UBE2V1: variants seen among roughly 807,000 people sequenced by gnomAD.
UBE2V1 encodes ubiquitin-conjugating enzyme E2 variant 1.
Under a neutral mutation model 19.6 loss-of-function variants are expected in UBE2V1, and 15 were observed. That is an observed-to-expected ratio of 0.77 (90% CI 0.51 to 1.18). The LOEUF (loss-of-function observed/expected upper bound fraction) is 1.18, where lower values mean the gene tolerates loss of function less well. UBE2V1 is among the 50% of genes most tolerant of loss of function. The pLI, the probability that UBE2V1 is intolerant of heterozygous loss-of-function variation, is 0.00. For synonymous variants in UBE2V1, 60 were observed against 60.7 expected (o/e 0.99, Z 0.05); for missense variants, 125 against 184.8 (o/e 0.68, Z 1.88).
chr20:50,094,225 TTA>T lies in UBE2V1; in HGVS notation c.171+2445_171+2446del, dbSNP rs1489440410. On this transcript the variant is annotated intron_variant, in intron 2 of 3. Coordinates refer to ENST00000371674, the MANE Select transcript of UBE2V1 (RefSeq NM_001032288.3). Reference sequence around the variant, plus strand: ...GTATATATAATATATAACATATGCATTATATAATATATAATGCATTATATAAT... The same window carrying T: ...GTATATATAATATATAACATATGCATTATAATATATAATGCATTATATAAT... 2.2e-5 allele frequency among the ~76,000 whole-genome samples: 3 copies of T among 139,530 alleles called. 1 individual carries two copies. Among genetic ancestry groups the T allele is most frequent in the African/African-American group, 8.0e-5 (3 of 37,554 alleles). 91.5% of individuals were successfully genotyped at this position (139,530 alleles called of 152,430 possible). A position where few individuals can be genotyped will look rare whatever the true frequency, so the allele number is the denominator to read the frequency against.
intron 1 of UBE2V1, among the ~76,000 whole-genome samples, chr20:50,104,079 C>A (rs554725503): frequency 2.0e-5 from 3 of 150,684 alleles, no homozygotes; most frequent in Non-Finnish European, 4.4e-5. Context: ...GTCAGGAGAT[C>A]GAGATCATCC....
intron 1 of UBE2V1, among the ~76,000 whole-genome samples, chr20:50,105,866 G>C (rs909829445): frequency 2.0e-5 from 3 of 152,162 alleles, no homozygotes; most frequent in Admixed American, 2.0e-4. Flanking sequence ...GGAGGTGGAG[G>C]TTTCAGTGAG....
chr20:50,089,931 A>C (rs1385280474), intron 2 of UBE2V1, among the ~76,000 whole-genome samples: 1 of 152,152 alleles, frequency 6.6e-6, no homozygotes, highest in Non-Finnish European at 1.5e-5. Context: ...CCTCGGCAGC[A>C]AGAGCTGGTT....
chr20:50,088,892 G>A (rs1319502951), intron 2 of UBE2V1, among the ~76,000 whole-genome samples: 1 of 152,052 alleles, frequency 6.6e-6, no homozygotes, highest in Admixed American at 6.6e-5. Context: ...GAAACATTAG[G>A]TCAACCAGTC....
intron 1 of UBE2V1, among the ~76,000 whole-genome samples, chr20:50,103,354 G>A (rs139121977): frequency 1.3e-5 from 2 of 152,326 alleles, no homozygotes; most frequent in East Asian, 3.9e-4. Flanking sequence ...TTATCTGGGA[G>A]TCTAACATTA....
intron 1 of UBE2V1, among the ~76,000 whole-genome samples, chr20:50,099,589 C>A (rs774098779): frequency 6.6e-6 from 1 of 152,148 alleles, no homozygotes; most frequent in African/African-American, 2.4e-5. Context: ...TGCACCCCCA[C>A]GCAAGGACCT....
chr20:50,107,381 T>G (rs2080457109), intron 1 of UBE2V1, among the ~76,000 whole-genome samples: 1 of 152,220 alleles, frequency 6.6e-6, no homozygotes, highest in South Asian at 2.1e-4. Context: ...GCTGTCATTC[T>G]TTACAGTCCA....
At chr20:50,100,685 G>A (rs2079932650) in intron 1 of UBE2V1, among the ~76,000 whole-genome samples, 1 of 152,178 alleles carries the variant, frequency 6.6e-6, no homozygotes, top group South Asian at 2.1e-4. Flanking sequence ...TTACACAAGT[G>A]ACCTCTATTT....
intron 2 of UBE2V1, among the ~76,000 whole-genome samples, chr20:50,087,162 G>A (rs1358127354): frequency 2.0e-5 from 3 of 152,030 alleles, no homozygotes; most frequent in Admixed American, 1.3e-4. Context: ...TGGGGGGGCC[G>A]AGGTGGGTGG....
At chr20:50,095,466 G>C (rs1022347000) in intron 2 of UBE2V1, 3 of 152,140 alleles carry the variant, frequency 2.0e-5, no homozygotes, top group African/African-American at 7.2e-5. Context: ...CAAAACTATA[G>C]GGTCACAAAA....
chr20:50,111,286 C>G, intron 1 of UBE2V1: 1 of 987,828 alleles, frequency 1.0e-6, no homozygotes, highest in East Asian at 1.1e-4. Flanking sequence ...ATGAAGCACT[C>G]ACTTTTTAAC....
intron 1 of UBE2V1, among the ~76,000 whole-genome samples, chr20:50,102,456 C>T (rs2080065299): frequency 1.3e-5 from 2 of 152,164 alleles, no homozygotes; most frequent in Non-Finnish European, 2.9e-5. Context: ...TGTCATGACC[C>T]AGAATCACTA....
In UBE2V1 at chr20:50,082,792, G is replaced by A. The variant is rs73598393; in HGVS notation, c.420C>T (p.Pro140=). 1.5e-4 allele frequency: 241 copies of A among 1,612,934 alleles called. 5 individuals carry two copies. In the South Asian group the frequency reaches 2.2e-3, roughly 15 times the overall value. ...ATTAATTGCTGTAACACTGTCCTTCGGGCGGCTGAGGGAGTTTCATATTTT... is the reference window on the plus strand; with the variant it reads ...ATTAATTGCTGTAACACTGTCCTTCAGGCGGCTGAGGGAGTTTCATATTTT... ...SKENMKLPQP[P]EGQCYSN The change falls in exon 4 of 4, where the codon CCC becomes CCT. Residue 140 remains proline, a synonymous_variant. Coordinates refer to ENST00000371674, the MANE Select transcript of UBE2V1 (RefSeq NM_001032288.3).
At chr20:50,102,489 ACT>A (rs1390733908) in intron 1 of UBE2V1, among the ~76,000 whole-genome samples, 2 of 152,152 alleles carry the variant, frequency 1.3e-5, no homozygotes, top group African/African-American at 2.4e-5. Context: ...CTGGTCTACC[ACT>A]CTGTTTTTAA....
chr20:50,106,841 C>T (rs1275031617), intron 1 of UBE2V1, among the ~76,000 whole-genome samples: 1 of 116,142 alleles, frequency 8.6e-6, no homozygotes, highest in African/African-American at 3.3e-5. Flanking sequence ...GTTTCAAAAC[C>T]AAAAACAACA....
At chr20:50,084,430 A>G in intron 2 of UBE2V1, 176 bp from the exon 3 acceptor site, 1 of 1,162,946 alleles carries the variant, frequency 8.6e-7, no homozygotes, top group Non-Finnish European at 1.2e-6. Context: ...ACTAGTTTAT[A>G]TGACTTCCGG....
chr20:50,090,460 C>A (rs1430548022), intron 2 of UBE2V1, among the ~76,000 whole-genome samples: 13 of 139,932 alleles, frequency 9.3e-5, no homozygotes, highest in Non-Finnish European at 1.4e-4. Context: ...GGCAACAGTG[C>A]GAGACTCTGT....
chr20:50,112,015 T>C (rs1248865791), intron 1 of UBE2V1, among the ~76,000 whole-genome samples: 3 of 152,158 alleles, frequency 2.0e-5, no homozygotes, highest in African/African-American at 4.8e-5. Context: ...ATTTCATCTA[T>C]TCACCTCCCT....
intron 2 of UBE2V1, among the ~76,000 whole-genome samples, chr20:50,092,096 C>T (rs1446125331): frequency 3.3e-5 from 5 of 151,598 alleles, no homozygotes; most frequent in East Asian, 3.9e-4. Flanking sequence ...CCAAGGTGGG[C>T]GGATCACCTG....
Sources: allele counts gnomAD v4.1 joint callset (sites outside exome capture counted in the v4.1 genomes callset), GRCh38; gene constraint gnomAD v4.1.1; transcripts MANE v1.5; gene names NCBI Gene and HGNC (gene_info 2026-07-23, HGNC 2026-07-21).